CNTN1: variants seen among roughly 807,000 people sequenced by gnomAD.
CNTN1 encodes the protein contactin 1.
A neutral mutation model predicts 126.4 loss-of-function variants in CNTN1; 38 were observed. The observed-to-expected ratio is 0.30, with a 90% CI of 0.23 to 0.39. CNTN1 has a LOEUF of 0.39. CNTN1 is among the 10% of genes least tolerant of loss of function. The probability of loss-of-function intolerance (pLI) is 1.00; values close to 1 mark genes in which losing one functional copy is unlikely to be tolerated. For missense variants in CNTN1, 1,009 were observed against 1,248.4 expected (o/e 0.81, Z 2.89); for synonymous variants, 413 against 422.6 (o/e 0.98, Z 0.28).
intron 1 of CNTN1, among the ~76,000 whole-genome samples, chr12:40,819,801 T>A (rs542405578): frequency 1.3e-5 from 2 of 152,170 alleles, no homozygotes; most frequent in Non-Finnish European, 2.9e-5. Flanking sequence ...GTGGTGTGGG[T>A]TCACAAGTAG....
At chr12:40,768,021 T>A (rs1298379566) in intron 1 of CNTN1, among the ~76,000 whole-genome samples, 2 of 149,914 alleles carry the variant, frequency 1.3e-5, no homozygotes, top group Non-Finnish European at 3.0e-5. Context: ...CTTCTAAAGC[T>A]TATACATTTA....
intron 1 of CNTN1, among the ~76,000 whole-genome samples, chr12:40,839,284 A>G (rs1206459299): frequency 6.6e-6 from 1 of 152,216 alleles, no homozygotes; most frequent in Non-Finnish European, 1.5e-5. Flanking sequence ...ATTTGAGACA[A>G]CATAAAACCA....
intron 23 of CNTN1, among the ~76,000 whole-genome samples, chr12:41,029,497 C>A (rs1328506892): frequency 6.6e-6 from 1 of 152,104 alleles, no homozygotes; most frequent in African/African-American, 2.4e-5. Context: ...ATCCAATATA[C>A]AGTATGGAAC....
intron 1 of CNTN1, chr12:40,729,790 A>G: frequency 4.7e-6 from 1 of 211,158 alleles, no homozygotes; most frequent in East Asian, 1.1e-4. Flanking sequence ...GTTGGACTGC[A>G]GTGAGGAGAC....
At chr12:40,753,654 C>A (rs1938488568) in intron 1 of CNTN1, among the ~76,000 whole-genome samples, 1 of 152,052 alleles carries the variant, frequency 6.6e-6, no homozygotes, top group South Asian at 2.1e-4. Context: ...AGTTACCTCC[C>A]AATAGGTCCC....
At chr12:40,833,558 C>T (rs1405513359) in intron 1 of CNTN1, among the ~76,000 whole-genome samples, 1 of 115,180 alleles carries the variant, frequency 8.7e-6, no homozygotes, top group Non-Finnish European at 1.7e-5. Flanking sequence ...ATAAATTAGC[C>T]AAGTCTTTTT....
At chr12:40,757,390 C>T (rs1277979564) in intron 1 of CNTN1, among the ~76,000 whole-genome samples, 1 of 152,114 alleles carries the variant, frequency 6.6e-6, no homozygotes, top group Non-Finnish European at 1.5e-5. Context: ...TCCTCTAGCT[C>T]AGAGCATTCA....
At chr12:40,934,789 C>G (rs1946023681) in intron 9 of CNTN1, among the ~76,000 whole-genome samples, 1 of 152,010 alleles carries the variant, frequency 6.6e-6, no homozygotes, top group Non-Finnish European at 1.5e-5. Context: ...GCATCTCTGC[C>G]TCTCCACAGA....
chr12:40,972,578 A>C, intron 15 of CNTN1: 1 of 778,646 alleles, frequency 1.3e-6, no homozygotes, highest in Non-Finnish European at 1.6e-6. Context: ...GTTTAACTTT[A>C]AAAATAATTT....
intron 23 of CNTN1, among the ~76,000 whole-genome samples, chr12:41,041,622 C>G (rs533909271): frequency 1.2e-4 from 19 of 152,270 alleles, no homozygotes; most frequent in Admixed American, 6.5e-4. Context: ...AGAGAGTCAA[C>G]TTCGTCCTGG....
At chr12:40,826,281 CTT>C (rs1004708920) in intron 1 of CNTN1, among the ~76,000 whole-genome samples, 2 of 151,850 alleles carry the variant, frequency 1.3e-5, no homozygotes, top group African/African-American at 4.8e-5. Flanking sequence ...ATTGATAAAA[CTT>C]CTGTGATTTT....
intron 1 of CNTN1, among the ~76,000 whole-genome samples, chr12:40,788,324 C>G (rs982794552): frequency 1.3e-5 from 2 of 152,112 alleles, no homozygotes; most frequent in Non-Finnish European, 2.9e-5. Flanking sequence ...TCAACACTTG[C>G]GAGCTTCATG....
chr12:40,905,636 TAAA>T (rs1236313510), intron 1 of CNTN1, among the ~76,000 whole-genome samples: 1 of 152,140 alleles, frequency 6.6e-6, no homozygotes, highest in Non-Finnish European at 1.5e-5. Context: ...AAATTAAAAA[TAAA>T]AATAATAATA....
intron 22 of CNTN1, 126 bp downstream of exon 22, chr12:41,028,095 A>C: frequency 1.5e-6 from 1 of 689,478 alleles, no homozygotes. Context: ...GCAGTGGTAC[A>C]ATCTTGGCTC....
intron 1 of CNTN1, among the ~76,000 whole-genome samples, chr12:40,887,861 G>T (rs1027956843): frequency 5.3e-5 from 8 of 152,076 alleles, no homozygotes; most frequent in Non-Finnish European, 1.0e-4. Flanking sequence ...CATGTCCTTT[G>T]TGGGGACATG....
At chr12:40,890,355 A>G (rs2136725853) in intron 1 of CNTN1, among the ~76,000 whole-genome samples, 1 of 152,324 alleles carries the variant, frequency 6.6e-6, no homozygotes, top group East Asian at 1.9e-4. Context: ...ATTATTATCA[A>G]CTGAAGTCCT....
chr12:40,983,918 G>GCATATTTTATTATATGCTATTATAA (rs1947885726), intron 16 of CNTN1, among the ~76,000 whole-genome samples: 9 of 59,114 alleles, frequency 1.5e-4, no homozygotes, highest in African/African-American at 7.1e-4. Flanking sequence ...TGCTATTATA[G>GCATATTTTATTATATGCTATTATAA]CATATTTTAT....
At chr12:41,009,340 G>T (rs1029475946) in intron 17 of CNTN1, among the ~76,000 whole-genome samples, 7 of 152,294 alleles carry the variant, frequency 4.6e-5, no homozygotes, top group Admixed American at 3.9e-4. Context: ...ATTATATGGG[G>T]TATAAATAGT....
intron 17 of CNTN1, among the ~76,000 whole-genome samples, chr12:41,002,550 G>T (rs1948387319): frequency 7.1e-6 from 1 of 140,664 alleles, no homozygotes; most frequent in South Asian, 2.2e-4. Context: ...AGACTATAGG[G>T]TTTCTTTCTT....
Sources: gnomAD v4.1 joint callset for allele counts (sites outside exome capture counted in the v4.1 genomes callset) on GRCh38, gnomAD v4.1.1 for gene constraint, MANE v1.5 for transcripts, NCBI Gene and HGNC (gene_info 2026-07-23, HGNC 2026-07-21) for gene names.